Variants in HS6ST1 observed in about 807,000 individuals in gnomAD.
HS6ST1 encodes heparan-sulfate 6-O-sulfotransferase 1.
Under a neutral mutation model 25.2 loss-of-function variants are expected in HS6ST1, and 3 were observed. The ratio of observed to expected loss-of-function variants is 0.12; its 90% CI spans 0.05 to 0.31. The LOEUF is 0.31. Among genes scored for constraint, HS6ST1 ranks in the 10% least tolerant of loss-of-function variants. HS6ST1 has a pLI of 1.00. For synonymous variants in HS6ST1, 204 were observed against 275.1 expected, an observed-to-expected ratio of 0.74 and a Z score of 2.56; for missense variants, 310 against 609.6, an observed-to-expected ratio of 0.51 and a Z score of 5.18.
chr2:128,269,319 C>G (rs912477988), intron 1 of HS6ST1, among the ~76,000 whole-genome samples: 2 of 152,150 alleles, frequency 1.3e-5, no homozygotes, highest in Non-Finnish European at 2.9e-5. Flanking sequence ...GTCCCAGGGT[C>G]CTGCCAAGGC....
Position 128,318,616 on chromosome 2 carries a change from A to G in HS6ST1, c.-53T>C, listed in dbSNP as rs1694414187. 1.1e-6 allele frequency: 1 copy of G among 887,252 alleles called. No individual in the cohort carries two copies. The highest frequency in any genetic ancestry group is 4.7e-5 in the Admixed American group (1 of 21,242). The allele number at this position is 887,252 out of a possible 1,614,324, so 55.0% of individuals were successfully genotyped here. ...GGGGCGCGGGGCCTGGGAGGGCAGG[A>G]GGCGCGGGCGCAGCTGCCTCCGCCG... On this transcript the variant is annotated 5_prime_UTR_variant, in exon 1 of 2. Coordinates refer to ENST00000259241, the MANE Select transcript of HS6ST1 (RefSeq NM_004807.3). The surrounding 1 kb of genome is among the most constrained non-coding windows in gnomAD (Gnocchi z 5.7).
chr2:128,290,815 TAC>T (rs1693939089), intron 1 of HS6ST1, among the ~76,000 whole-genome samples: 2 of 3,490 alleles, frequency 5.7e-4, no homozygotes, highest in Non-Finnish European at 4.8e-4. Flanking sequence ...CTACTAAAAA[TAC>T]AAAAAAAAAA....
chr2:128,269,977 C>T (rs1213882145), intron 1 of HS6ST1, among the ~76,000 whole-genome samples: 1 of 152,204 alleles, frequency 6.6e-6, no homozygotes, highest in African/African-American at 2.4e-5. Context: ...CCTGATCTGA[C>T]CGCACACCTC....
chr2:128,307,320 C>T (rs767678601), intron 1 of HS6ST1, among the ~76,000 whole-genome samples: 80 of 152,156 alleles, frequency 5.3e-4, no homozygotes, highest in Non-Finnish European at 2.1e-4. Context: ...CTCACACTAA[C>T]AAGCCCCCAG....
In HS6ST1 at chr2:128,268,468, G is replaced by A. The variant is rs756108886; in HGVS notation, c.930C>T (p.Leu310=). The A allele has an allele frequency of 8.1e-6, 13 of 1,613,320 alleles. No individual in the cohort carries two copies. In the East Asian group the frequency reaches 2.9e-4, roughly 36 times the overall value. The stretch of plus-strand genomic sequence containing the variant: ...ACTGCATGAAGGGCCGGATGAACTT[G>A]AGGTTGAACGTCCGCTCGAACAGGT... The part of the protein sequence containing the change: ...TQYLFERTFN[L]KFIRPFMQYN... Residue 310 remains leucine, a synonymous_variant, in exon 2 of 2, where the codon CTC becomes CTT. Coordinates refer to ENST00000259241, the MANE Select transcript of HS6ST1 (RefSeq NM_004807.3).
intron 1 of HS6ST1, among the ~76,000 whole-genome samples, chr2:128,308,120 C>A (rs1203640605): frequency 6.6e-6 from 1 of 152,188 alleles, no homozygotes; most frequent in Non-Finnish European, 1.5e-5. Context: ...AAGGAATACA[C>A]ACATCTACAG....
intron 1 of HS6ST1, among the ~76,000 whole-genome samples, chr2:128,288,266 G>T (rs938699592): frequency 6.6e-6 from 1 of 152,218 alleles, no homozygotes; most frequent in Non-Finnish European, 1.5e-5. Context: ...GGCCCACCAA[G>T]AGAGACGTGG....
In HS6ST1 at chr2:128,268,254, G is replaced by A. The variant is rs199538589; in HGVS notation, c.1144C>T (p.Arg382Trp). 1,926 of 1,611,496 alleles carry A rather than the reference G, an allele frequency of 1.2e-3. 21 individuals are homozygous for A. The highest frequency in any genetic ancestry group is 0.012 in the South Asian group (1,077 of 90,990). The stretch of plus-strand genomic sequence containing the variant: ...TCCCGCGGCAGTGCCTCCTTGGCCC[G>A]GTGCAGCAGACGCTCCTCGCGGCTC... Reference protein sequence around the residue: ...LRSREERLLHRAKEALPREDA... With the variant: ...LRSREERLLHWAKEALPREDA... Residue 382 changes from arginine (R) to tryptophan (W), a missense_variant, in exon 2 of 2, where the codon CGG becomes TGG. Arg to Trp is a moderately radical substitution (Grantham distance 101, BLOSUM62 -3). This residue lies in a region of HS6ST1 where 140 missense variants were observed against 176.5 expected (regional missense o/e 0.79). Coordinates refer to ENST00000259241, the MANE Select transcript of HS6ST1 (RefSeq NM_004807.3).
intron 1 of HS6ST1, among the ~76,000 whole-genome samples, chr2:128,307,735 G>A (rs1282524500): frequency 6.6e-6 from 1 of 152,188 alleles, no homozygotes; most frequent in Non-Finnish European, 1.5e-5. Flanking sequence ...CCTGGCTCCT[G>A]GCCTGGCAGA....
rs931618483 is a variant in HS6ST1 at position 128,318,823 on chromosome 2, C to G, written c.-260G>C. On this transcript the variant is annotated 5_prime_UTR_variant, in exon 1 of 2. Transcript: ENST00000259241. This position sits in a 1 kb window ranked among gnomAD's most constrained non-coding sequence, Gnocchi z 5.7. ...CCGGCCAGCACAGCGCTCTCCGCGC[C>G]CCCAGCACCAGCCCGCTCCGCTCCA... is the stretch of plus-strand genomic sequence containing the variant. Among the ~76,000 whole-genome samples, 1 of 147,790 alleles carries G rather than the reference C, an allele frequency of 6.8e-6. No homozygotes were observed. Among genetic ancestry groups the G allele is most frequent in the Non-Finnish European group, 1.5e-5 (1 of 66,270 alleles).
rs2290113 is a variant in HS6ST1, at chr2:128,266,739, A to G, written c.*1423T>C. On this transcript the variant is annotated 3_prime_UTR_variant, in exon 2 of 2. Transcript: ENST00000259241. ...GCCTGCGGCCTGAGCACACCAATCT[A>G]CTCTCTGGGGGATCCAGGGTGCCTG... 60,056 of 151,896 alleles carry G rather than the reference A, an allele frequency of 0.4. 14,789 individuals carry two copies. The highest frequency in any genetic ancestry group is 0.71 in the African/African-American group (29,276 of 41,396). The allele number at this position is 151,896 out of a possible 1,614,324, so 9.4% of individuals were successfully genotyped here. A position where few individuals can be genotyped will look rare whatever the true frequency, so the allele number is the denominator to read the frequency against.
chr2:128,282,597 G>A (rs1693804802), intron 1 of HS6ST1, among the ~76,000 whole-genome samples: 1 of 152,252 alleles, frequency 6.6e-6, no homozygotes. Context: ...AGGCAGGAGG[G>A]CATGTCGGGG....
chr2:128,273,178 C>T (rs116476445), intron 1 of HS6ST1, among the ~76,000 whole-genome samples: 2,109 of 152,304 alleles, frequency 0.014, 23 homozygotes, highest in Non-Finnish European at 0.02. Context: ...AATGGCGCAA[C>T]GGACACTGCA....
At chr2:128,301,305 G>A (rs948792353) in intron 1 of HS6ST1, among the ~76,000 whole-genome samples, 4 of 152,118 alleles carry the variant, frequency 2.6e-5, no homozygotes, top group African/African-American at 9.7e-5. Flanking sequence ...GAGATCCCCA[G>A]GGGCTGCATG....
At chr2:128,309,928 G>A (rs532404125) in intron 1 of HS6ST1, among the ~76,000 whole-genome samples, 1 of 152,366 alleles carries the variant, frequency 6.6e-6, no homozygotes, top group East Asian at 1.9e-4. Context: ...GTCCGTGGCT[G>A]AGGGATCATG....
chr2:128,274,708 G>A (rs1693663748), intron 1 of HS6ST1, among the ~76,000 whole-genome samples: 1 of 152,182 alleles, frequency 6.6e-6, no homozygotes, highest in African/African-American at 2.4e-5. Context: ...CAGGCGTGGT[G>A]ACTCACACCT....
chr2:128,282,039 G>A (rs61245091), intron 1 of HS6ST1, among the ~76,000 whole-genome samples: 9,735 of 152,284 alleles, frequency 0.064, 384 homozygotes, highest in African/African-American at 0.1. Context: ...ACAGCCTCCA[G>A]GCTGGAAGGG....
intron 1 of HS6ST1, among the ~76,000 whole-genome samples, chr2:128,313,527 C>T (rs1234643118): frequency 6.6e-6 from 1 of 152,208 alleles, no homozygotes; most frequent in Admixed American, 6.5e-5. Flanking sequence ...TCCCACTCAT[C>T]TACCAAACAA....
At chr2:128,310,710 G>A (rs753022094) in intron 1 of HS6ST1, among the ~76,000 whole-genome samples, 7 of 152,144 alleles carry the variant, frequency 4.6e-5, no homozygotes, top group Non-Finnish European at 1.0e-4. Flanking sequence ...GGTGGTCTGG[G>A]ATCAGCACTT....
Sources: allele counts gnomAD v4.1 joint callset (sites outside exome capture counted in the v4.1 genomes callset), GRCh38; gene constraint gnomAD v4.1.1; regional missense constraint gnomAD v4.1.1; non-coding constraint Gnocchi (gnomAD v3.1); transcripts MANE v1.5; gene names NCBI Gene and HGNC (gene_info 2026-07-23, HGNC 2026-07-21).